The following PCAT6 variants were observed in gnomAD, a reference collection of about 807,000 sequenced individuals.
PCAT6 encodes the protein prostate cancer associated transcript 6.
exon 1 of PCAT6, chr1:202,811,292 C>A: frequency 7.5e-6 from 3 of 399,404 alleles, no homozygotes; most frequent in Non-Finnish European, 1.3e-5. Flanking sequence ...ACCCCACTTT[C>A]CAGCCTGCGC....
exon 1 of PCAT6, chr1:202,811,180 A>C (rs1658542269): frequency 2.5e-6 from 1 of 395,958 alleles, no homozygotes; most frequent in African/African-American, 2.1e-5. Context: ...CGTCCCCCAA[A>C]CCGCCCTCAT....
At chr1:202,810,960 C>A (rs1202639641) in exon 1 of PCAT6, 1 of 202,374 alleles carries the variant, frequency 4.9e-6, no homozygotes, top group African/African-American at 2.3e-5. Context: ...CCCCAGAGGC[C>A]GGACCTGGGC....
chr1:202,811,728 C>A (rs1020208448), exon 1 of PCAT6: 4 of 264,668 alleles, frequency 1.5e-5, no homozygotes, highest in Admixed American at 1.1e-4. Context: ...CTGCGCAGTC[C>A]ATCTCAGCTC....
At chr1:202,811,096 C>G (rs923174645) in exon 1 of PCAT6, 8 of 382,706 alleles carry the variant, frequency 2.1e-5, no homozygotes, top group Non-Finnish European at 3.2e-5. Context: ...CGGAACCCAG[C>G]CCCGCTCCGA....
exon 1 of PCAT6, chr1:202,811,773 C>G (rs1279634973): frequency 4.8e-6 from 1 of 207,366 alleles, no homozygotes; most frequent in Non-Finnish European, 9.6e-6. Flanking sequence ...CTCTCCTCAC[C>G]ATCTCTCGGT....
At position 202,811,060 on chromosome 1, in the gene PCAT6, CG is replaced by C. The variant is rs1344181065; in HGVS notation, n.180del. On this transcript the variant is annotated non_coding_transcript_exon_variant, in exon 1 of 1. Transcript: ENST00000686658. ...TCAGGTTCGGGTTCCTAGGCCATAG[CG>C]GAGCTGCAGCCCAGGCGGCCGGAGC... 3 of 356,500 alleles carry C rather than the reference CG, an allele frequency of 8.4e-6. No individual in the cohort carries two copies. In the East Asian group the frequency reaches 1.2e-4, roughly 15 times the overall value. The allele number at this position is 356,500 out of a possible 1,614,324, so 22.1% of individuals were successfully genotyped here.
exon 1 of PCAT6, chr1:202,811,161 C>T (rs1558529434): frequency 5.0e-6 from 2 of 397,196 alleles, no homozygotes; most frequent in Non-Finnish European, 8.9e-6. Context: ...CCGCCCCCGC[C>T]CGGGCCTCCG....
chr1:202,811,307 G>C (rs1412720053), exon 1 of PCAT6: 1 of 399,130 alleles, frequency 2.5e-6, no homozygotes, highest in Non-Finnish European at 4.4e-6. Flanking sequence ...CTGCGCCCCA[G>C]ATCTGCAGCC....
At chr1:202,811,788 T>G (rs1370754252) in exon 1 of PCAT6, 2 of 190,982 alleles carry the variant, frequency 1.0e-5, no homozygotes, top group South Asian at 1.9e-4. Context: ...CTCGGTGCCC[T>G]GGAATGTTTG....
At chr1:202,811,133 T>C in exon 1 of PCAT6, 1 of 393,850 alleles carries the variant, frequency 2.5e-6, no homozygotes. Context: ...AACCCCCTCC[T>C]TACTCTTGGA....
chr1:202,811,288 C>T lies in PCAT6; in HGVS notation n.406C>T, dbSNP rs1283011499. 2.8e-4 allele frequency: 112 copies of T among 399,388 alleles called. No homozygotes were observed. In the East Asian group the frequency reaches 4.0e-3, roughly 14 times the overall value. 24.7% of individuals were successfully genotyped at this position (399,388 alleles called of 1,614,324 possible). ...CCTCACGTCAACCGGCTGCACCCCA[C>T]TTTCCAGCCTGCGCCCCAGATCTGC... is the stretch of plus-strand genomic sequence containing the variant. On this transcript the variant is annotated non_coding_transcript_exon_variant, in exon 1 of 1. Transcript: ENST00000686658.
At chr1:202,811,138 C>G (rs979827298) in exon 1 of PCAT6, 1 of 395,526 alleles carries the variant, frequency 2.5e-6, no homozygotes, top group Non-Finnish European at 4.4e-6. Flanking sequence ...CCTCCTTACT[C>G]TTGGACAACA....
exon 1 of PCAT6, chr1:202,811,412 G>A (rs1658548237): frequency 5.0e-6 from 2 of 398,582 alleles, no homozygotes; most frequent in African/African-American, 4.1e-5. Flanking sequence ...TTGCAAACTT[G>A]GGGGGACTTC....
chr1:202,811,874 C>T (rs1202974070), exon 1 of PCAT6: 1 of 155,084 alleles, frequency 6.4e-6, no homozygotes. Context: ...AGTCCTACAA[C>T]GTCTTGTTAC....
chr1:202,811,266 C>A, exon 1 of PCAT6: 1 of 399,462 alleles, frequency 2.5e-6, no homozygotes, highest in South Asian at 1.3e-4. Context: ...TCCCAGACCT[C>A]ACGTCAACCG....
chr1:202,811,011 G>A (rs1407889671), exon 1 of PCAT6: 2 of 269,164 alleles, frequency 7.4e-6, no homozygotes, highest in Non-Finnish European at 7.0e-6. Context: ...CTCCCAGAGG[G>A]CTGGGTGCGA....
chr1:202,811,086 C>A (rs1204618776), exon 1 of PCAT6: 1 of 377,484 alleles, frequency 2.6e-6, no homozygotes, highest in Non-Finnish European at 4.7e-6. Context: ...GCGGCCGGAG[C>A]GGAACCCAGC....
exon 1 of PCAT6, chr1:202,811,701 C>G (rs983306022): frequency 6.3e-6 from 2 of 314,964 alleles, no homozygotes; most frequent in Admixed American, 5.0e-5. Context: ...TCCAGTGCAC[C>G]GGCTTTCCCT....
exon 1 of PCAT6, chr1:202,810,975 C>G (rs558488897): frequency 9.1e-6 from 2 of 220,096 alleles, no homozygotes; most frequent in East Asian, 9.0e-5. Context: ...CTGGGCAACC[C>G]CAGCCTGGAG....
Sources: gnomAD v4.1 joint callset for allele counts on GRCh38, gnomAD v4.1.1 for gene constraint, MANE v1.5 for transcripts, NCBI Gene and HGNC (gene_info 2026-07-23, HGNC 2026-07-21) for gene names.